The following EPB41L5 variants were observed in gnomAD, a reference collection of about 807,000 sequenced individuals.
EPB41L5 encodes the protein band 4.1-like protein 5.
A neutral mutation model predicts 106.6 loss-of-function variants in EPB41L5; 55 were observed. The ratio of observed to expected loss-of-function variants is 0.52; its 90% CI spans 0.42 to 0.65. The LOEUF (loss-of-function observed/expected upper bound fraction) is 0.65, where lower values mean the gene tolerates loss of function less well. Ranked by LOEUF, EPB41L5 falls within the 30% of genes least tolerant of loss-of-function variation. EPB41L5 has a pLI of 0.00. For missense variants in EPB41L5, 871 were observed against 882.1 expected, an observed-to-expected ratio of 0.99 and a Z score of 0.16; for synonymous variants, 297 against 306.7, an observed-to-expected ratio of 0.97 and a Z score of 0.33.
chr2:120,148,883 C>T (rs529337868), intron 20 of EPB41L5, among the ~76,000 whole-genome samples: 1 of 152,150 alleles, frequency 6.6e-6, no homozygotes, highest in South Asian at 2.1e-4. Context: ...CTAGGAGTAA[C>T]ACCATTTCTC....
chr2:120,113,616 G>A (rs1665067), intron 16 of EPB41L5, among the ~76,000 whole-genome samples: 150,990 of 152,340 alleles, frequency 0.99, 74,844 homozygotes, highest in East Asian at 1. Flanking sequence ...ATTTAATTCC[G>A]TAACATTTTT....
intron 24 of EPB41L5, among the ~76,000 whole-genome samples, chr2:120,172,663 G>T (rs892662380): frequency 4.6e-5 from 7 of 152,328 alleles, no homozygotes; most frequent in Admixed American, 3.9e-4. Context: ...TAAAGTGGAA[G>T]ATATGTTCCT....
At chr2:120,153,190 A>AT (rs1467080821) in intron 20 of EPB41L5, among the ~76,000 whole-genome samples, 3 of 151,642 alleles carry the variant, frequency 2.0e-5, no homozygotes, top group South Asian at 2.1e-4. Flanking sequence ...ATATTTTGGT[A>AT]TTTTTTTCAT....
At chr2:120,144,173 G>A (rs1686300306) in intron 19 of EPB41L5, among the ~76,000 whole-genome samples, 2 of 152,162 alleles carry the variant, frequency 1.3e-5, no homozygotes, top group African/African-American at 2.4e-5. Context: ...GGTATTAACA[G>A]ATGGGGCCTT....
chr2:120,175,020 C>T lies in EPB41L5; in HGVS notation c.*113C>T, dbSNP rs112390440. 1.4e-4 allele frequency: 151 copies of T among 1,062,058 alleles called. No individual in the cohort carries two copies. The African/African-American group carries it at 1.5e-3, about 11-fold the overall frequency. 65.8% of individuals were successfully genotyped at this position (1,062,058 alleles called of 1,614,324 possible). A position where few individuals can be genotyped will look rare whatever the true frequency, so the allele number is the denominator to read the frequency against. On this transcript the variant is annotated 3_prime_UTR_variant, in exon 25 of 25. Transcript: ENST00000263713. The stretch of plus-strand genomic sequence containing the variant: ...TTATTTGTAGGTAAAAAAAGCTGCA[C>T]GTAGATTTGACTTCAACTCCGTAAA...
At chr2:120,079,016 T>C (rs1323874234) in intron 10 of EPB41L5, among the ~76,000 whole-genome samples, 1 of 152,208 alleles carries the variant, frequency 6.6e-6, no homozygotes, top group Non-Finnish European at 1.5e-5. Context: ...TTCATACTTT[T>C]AAATTACATT....
chr2:120,072,772 G>A (rs527849732), intron 3 of EPB41L5, among the ~76,000 whole-genome samples: 24 of 152,218 alleles, frequency 1.6e-4, no homozygotes, highest in African/African-American at 3.4e-4. Flanking sequence ...ACATACTGGC[G>A]CCTGTTGGGA....
intron 20 of EPB41L5, among the ~76,000 whole-genome samples, chr2:120,149,187 C>T (rs754097743): frequency 9.9e-5 from 15 of 151,730 alleles, no homozygotes; most frequent in Non-Finnish European, 1.9e-4. Context: ...TTTGTAGTAA[C>T]AGCTTCATTG....
intron 3 of EPB41L5, among the ~76,000 whole-genome samples, chr2:120,062,697 G>A (rs1681166107): frequency 6.6e-6 from 1 of 152,148 alleles, no homozygotes; most frequent in Non-Finnish European, 1.5e-5. Context: ...AAGAAATGTA[G>A]ATCTAATTCA....
rs568008973 is a variant in EPB41L5 at position 120,100,477 on chromosome 2, C to T, written c.1221+191C>T. Among the ~76,000 whole-genome samples the T allele has an allele frequency of 1.9e-4, 29 of 152,170 alleles. 1 individual carries two copies. The East Asian group carries it at 2.9e-3, about 15-fold the overall frequency. ...TTCTCTAAGATTTTGTAAAGGAAACCGGTGCTCTATAAAACATTTTATGTC... is the reference window on the plus strand; with the variant it reads ...TTCTCTAAGATTTTGTAAAGGAAACTGGTGCTCTATAAAACATTTTATGTC... On this transcript the variant is annotated intron_variant, in intron 15 of 24. Coordinates refer to ENST00000263713, the MANE Select transcript of EPB41L5 (RefSeq NM_020909.4).
At chr2:120,115,924 C>T (rs762818391) in intron 16 of EPB41L5, among the ~76,000 whole-genome samples, 4 of 152,076 alleles carry the variant, frequency 2.6e-5, no homozygotes, top group Non-Finnish European at 5.9e-5. Context: ...ATTCTCATAC[C>T]TCATCCTCCT....
chr2:120,034,600 C>T (rs1299950175), intron 2 of EPB41L5, among the ~76,000 whole-genome samples: 2 of 151,870 alleles, frequency 1.3e-5, no homozygotes, highest in Admixed American at 1.3e-4. Context: ...AGTGTGACCA[C>T]GCCTATAACC....
intron 21 of EPB41L5, among the ~76,000 whole-genome samples, 193 bp downstream of exon 21, chr2:120,161,167 CAGG>C (rs1687127278): frequency 6.6e-6 from 1 of 151,482 alleles, no homozygotes. Flanking sequence ...CACTTGAGCT[CAGG>C]AGTTCAAGAC....
At chr2:120,055,523 C>T (rs1680591393) in intron 3 of EPB41L5, among the ~76,000 whole-genome samples, 1 of 110,722 alleles carries the variant, frequency 9.0e-6, no homozygotes, top group African/African-American at 3.6e-5. Context: ...GAGTCTTGCT[C>T]TGTCAACCAG....
intron 3 of EPB41L5, among the ~76,000 whole-genome samples, chr2:120,071,028 G>A (rs1232215165): frequency 6.6e-6 from 1 of 152,136 alleles, no homozygotes; most frequent in Non-Finnish European, 1.5e-5. Context: ...TATTCATATG[G>A]GAAGAGAGGA....
chr2:120,127,376 C>T (rs1296029181), intron 16 of EPB41L5, among the ~76,000 whole-genome samples: 1 of 152,148 alleles, frequency 6.6e-6, no homozygotes, highest in Non-Finnish European at 1.5e-5. Context: ...CCCTGAGATA[C>T]CAAAATCCGC....
Position 120,019,283 on chromosome 2 carries a change from G to T in EPB41L5, c.180+19G>T. On this transcript the variant is annotated intron_variant, in intron 2 of 24. Coordinates refer to ENST00000263713, the MANE Select transcript of EPB41L5 (RefSeq NM_020909.4). ...CTTGCCAGTAAGTAGGTCTTGCTGA[G>T]CTCCAAATTCTGTTTGCGATTACTG... 1 of 1,592,700 alleles carries T rather than the reference G, an allele frequency of 6.3e-7. No individual in the cohort carries two copies. The highest frequency in any genetic ancestry group is 8.5e-7 in the Non-Finnish European group (1 of 1,170,802).
intron 16 of EPB41L5, 151 bp from the exon 17 acceptor site, chr2:120,127,537 G>GT (rs1279788059): frequency 3.4e-6 from 2 of 591,776 alleles, no homozygotes; most frequent in Admixed American, 3.3e-5. Context: ...ATTTTTAAAT[G>GT]TTTTTTTAAT....
At chr2:120,116,715 G>C (rs1684962326) in intron 16 of EPB41L5, among the ~76,000 whole-genome samples, 1 of 151,592 alleles carries the variant, frequency 6.6e-6, no homozygotes, top group East Asian at 1.9e-4. Flanking sequence ...TTTTTGTAGA[G>C]ATACAGTCTC....
Sources: allele counts gnomAD v4.1 joint callset (sites outside exome capture counted in the v4.1 genomes callset), GRCh38; gene constraint gnomAD v4.1.1; transcripts MANE v1.5; gene names NCBI Gene and HGNC (gene_info 2026-07-23, HGNC 2026-07-21).